The following CA10 variants were observed in gnomAD, a reference collection of about 807,000 sequenced individuals.
The protein encoded by CA10 is carbonic anhydrase 10 (inactive), also known as carbonic anhydrase-related protein 10.
CA10 carries 14 observed loss-of-function variants against 44.2 expected under a neutral mutation model. The observed-to-expected ratio is 0.32, with a 90% CI of 0.21 to 0.50. The LOEUF (loss-of-function observed/expected upper bound fraction) is 0.50. CA10 is among the 20% of genes least tolerant of loss of function. The pLI, the probability that CA10 is intolerant of heterozygous loss-of-function variation, is 0.99. For synonymous variants in CA10, 159 were observed against 141.6 expected, an observed-to-expected ratio of 1.12 and a Z score of -0.87; for missense variants, 350 against 409.7, an observed-to-expected ratio of 0.85 and a Z score of 1.26.
chr17:51,949,052 G>A (rs535781872), intron 2 of CA10, among the ~76,000 whole-genome samples: 12 of 152,086 alleles, frequency 7.9e-5, no homozygotes, highest in East Asian at 7.7e-4. Context: ...TAAAAATAAC[G>A]GATACTATGA....
At chr17:51,670,064 A>T (rs907758579) in intron 4 of CA10, among the ~76,000 whole-genome samples, 1 of 152,172 alleles carries the variant, frequency 6.6e-6, no homozygotes. Context: ...GCCATGTAAG[A>T]TGTTCCCTTT....
At chr17:51,724,550 C>G (rs1390672363) in intron 4 of CA10, among the ~76,000 whole-genome samples, 1 of 152,180 alleles carries the variant, frequency 6.6e-6, no homozygotes, top group Non-Finnish European at 1.5e-5. Flanking sequence ...TCACTCTGAA[C>G]TTCAGAAATC....
rs977388987 is a variant in CA10 at position 52,158,274 on chromosome 17, A to G, written c.-488T>C. The G allele has an allele frequency of 9.2e-6, 2 of 216,646 alleles. No individual in the cohort carries two copies. Among genetic ancestry groups the G allele is most frequent in the Non-Finnish European group, 1.9e-5 (2 of 107,080 alleles). 13.4% of individuals were successfully genotyped at this position (216,646 alleles called of 1,614,324 possible). On this transcript the variant is annotated 5_prime_UTR_variant, in exon 1 of 9. Coordinates refer to ENST00000451037, the MANE Select transcript of CA10 (RefSeq NM_020178.5). The stretch of plus-strand genomic sequence containing the variant: ...CCGGGAGCGCGTAGCTCGCTGGCTA[A>G]GCCCAGGCAGTCCGCGGCAAGTTGC...
At chr17:51,929,031 A>G (rs1982543838) in intron 3 of CA10, among the ~76,000 whole-genome samples, 1 of 152,202 alleles carries the variant, frequency 6.6e-6, no homozygotes, top group African/African-American at 2.4e-5. Flanking sequence ...CCAAGATTCC[A>G]AACTCCAATG....
At chr17:52,070,143 A>ATCAGATACC (rs1056902726) in intron 2 of CA10, among the ~76,000 whole-genome samples, 2 of 152,194 alleles carry the variant, frequency 1.3e-5, no homozygotes, top group African/African-American at 4.8e-5. Flanking sequence ...AAGTGGAATC[A>ATCAGATACC]TCAGATACCA....
intron 2 of CA10, among the ~76,000 whole-genome samples, chr17:51,959,282 CTGTGTGTGTGTGTGTGTGTGTGTGTG>C (rs71149386): frequency 7.4e-6 from 1 of 134,370 alleles, no homozygotes; most frequent in Admixed American, 7.6e-5. Context: ...CTCTCTCTCT[CTGTGTGTGTGTGTGTGTGTGTGTGTG>C]TGTGTGTGTG....
intron 1 of CA10, among the ~76,000 whole-genome samples, chr17:52,108,343 C>T (rs935843186): frequency 2.6e-4 from 39 of 151,294 alleles, no homozygotes; most frequent in Admixed American, 7.2e-4. Context: ...GAATCAAAAA[C>T]CAAACATTGT....
At chr17:52,038,595 C>T (rs761507852) in intron 2 of CA10, among the ~76,000 whole-genome samples, 2 of 151,900 alleles carry the variant, frequency 1.3e-5, no homozygotes, top group Admixed American at 6.6e-5. Flanking sequence ...ATAACAGATA[C>T]GTGTATAAAA....
rs1252751941 is a variant in CA10 at position 52,158,368 on chromosome 17, T to C, written c.-582A>G. On this transcript the variant is annotated 5_prime_UTR_variant, in exon 1 of 9. Coordinates refer to ENST00000451037, the MANE Select transcript of CA10 (RefSeq NM_020178.5). ...CTGCTGCGCTCCGGGGCAGTTCTTC[T>C]CCTGCTTCCGGGGGGCGGGGAAGGA... 1 of 175,434 alleles carries C rather than the reference T, an allele frequency of 5.7e-6. No homozygotes were observed. Among genetic ancestry groups the C allele is most frequent in the Non-Finnish European group, 1.2e-5 (1 of 82,958 alleles). 10.9% of individuals were successfully genotyped at this position (175,434 alleles called of 1,614,324 possible). A position where few individuals can be genotyped will look rare whatever the true frequency, so the allele number is the denominator to read the frequency against.
chr17:51,804,837 A>T (rs1907067804), intron 3 of CA10, among the ~76,000 whole-genome samples: 1 of 152,234 alleles, frequency 6.6e-6, no homozygotes, highest in Non-Finnish European at 1.5e-5. Context: ...AATCAACCAT[A>T]AGGGTTTTAA....
chr17:51,771,742 A>G (rs1249572607), intron 3 of CA10, among the ~76,000 whole-genome samples: 1 of 152,168 alleles, frequency 6.6e-6, no homozygotes, highest in African/African-American at 2.4e-5. Flanking sequence ...ACTTGGAACA[A>G]TGGTTTCCTA....
At chr17:52,080,387 G>T (rs1054719513) in intron 1 of CA10, among the ~76,000 whole-genome samples, 1 of 151,928 alleles carries the variant, frequency 6.6e-6, no homozygotes, top group African/African-American at 2.4e-5. Context: ...GGGAGGCGGA[G>T]CTTGCAGTGA....
intron 1 of CA10, among the ~76,000 whole-genome samples, chr17:52,118,913 G>A (rs2143308826): frequency 6.6e-6 from 1 of 152,280 alleles, no homozygotes; most frequent in South Asian, 2.1e-4. Flanking sequence ...ACTCTCAAAT[G>A]CAGATTTCTT....
intron 4 of CA10, among the ~76,000 whole-genome samples, chr17:51,702,758 C>T (rs1336706196): frequency 6.6e-6 from 1 of 150,914 alleles, no homozygotes; most frequent in Non-Finnish European, 1.5e-5. Context: ...GTGAAATTGT[C>T]TCAGGCTGGC....
intron 2 of CA10, among the ~76,000 whole-genome samples, chr17:51,932,727 A>C (rs949123090): frequency 6.6e-6 from 1 of 152,082 alleles, no homozygotes; most frequent in Non-Finnish European, 1.5e-5. Context: ...ACATTGACAC[A>C]TGTGCATGGG....
chr17:51,967,929 G>A (rs1053893310), intron 2 of CA10, among the ~76,000 whole-genome samples: 3 of 151,918 alleles, frequency 2.0e-5, no homozygotes, highest in East Asian at 1.9e-4. Flanking sequence ...TGGGTATGAT[G>A]AGATATCATT....
intron 2 of CA10, among the ~76,000 whole-genome samples, chr17:51,957,047 C>T (rs1371855143): frequency 6.6e-6 from 1 of 152,030 alleles, no homozygotes; most frequent in Non-Finnish European, 1.5e-5. Context: ...CTTTTATTTT[C>T]TGTTGAAATA....
At chr17:51,699,263 C>T (rs927350927) in intron 4 of CA10, among the ~76,000 whole-genome samples, 4 of 150,410 alleles carry the variant, frequency 2.7e-5, no homozygotes, top group Non-Finnish European at 5.9e-5. Flanking sequence ...GTGGACCTTG[C>T]AGTGAGCCGA....
intron 3 of CA10, among the ~76,000 whole-genome samples, chr17:51,806,989 G>A (rs950333387): frequency 7.2e-5 from 11 of 152,190 alleles, no homozygotes; most frequent in Non-Finnish European, 1.0e-4. Flanking sequence ...GGCTTGAAGG[G>A]AAGAAAGTCA....
Sources: allele counts gnomAD v4.1 joint callset (sites outside exome capture counted in the v4.1 genomes callset), GRCh38; gene constraint gnomAD v4.1.1; transcripts MANE v1.5; gene names NCBI Gene and HGNC (gene_info 2026-07-23, HGNC 2026-07-21).